Variants in JHY observed in about 807,000 individuals in gnomAD.
JHY encodes the protein jhy protein homolog.
A neutral mutation model predicts 78.0 loss-of-function variants in JHY; 69 were observed. The observed-to-expected ratio is 0.88, with a 90% CI of 0.73 to 1.08. JHY has a LOEUF of 1.08. JHY is among the 50% of genes least tolerant of loss of function. The probability of loss-of-function intolerance (pLI) is 0.00; values close to 1 mark genes in which losing one functional copy is unlikely to be tolerated. For synonymous variants in JHY, 368 were observed against 342.6 expected, an observed-to-expected ratio of 1.07 and a Z score of -0.82; for missense variants, 944 against 927.8, an observed-to-expected ratio of 1.02 and a Z score of -0.23.
chr11:122,891,419 G>C (rs1260540596), intron 2 of JHY, among the ~76,000 whole-genome samples: 1 of 152,136 alleles, frequency 6.6e-6, no homozygotes, highest in Non-Finnish European at 1.5e-5. Context: ...TAAATGAAGA[G>C]TGGAGAGGGG....
chr11:122,942,082 G>T (rs993001602), intron 5 of JHY, among the ~76,000 whole-genome samples: 16 of 152,010 alleles, frequency 1.1e-4, no homozygotes, highest in African/African-American at 3.9e-4. Context: ...ATGTTGGTTA[G>T]GCTGGTCTCG....
chr11:122,946,813 AC>A (rs753899797), intron 6 of JHY, 21 bp downstream of exon 6: 3 of 1,586,782 alleles, frequency 1.9e-6, no homozygotes, highest in South Asian at 1.2e-5. Context: ...CGCCATTTTT[AC>A]CAAGTAACTC....
At chr11:122,942,138 C>T (rs1863886646) in intron 5 of JHY, among the ~76,000 whole-genome samples, 1 of 152,140 alleles carries the variant, frequency 6.6e-6, no homozygotes, top group Non-Finnish European at 1.5e-5. Flanking sequence ...TCCCAAAGTG[C>T]TGGGATTACA....
intron 5 of JHY, among the ~76,000 whole-genome samples, chr11:122,940,057 G>T (rs1863841492): frequency 6.7e-6 from 1 of 149,580 alleles, no homozygotes; most frequent in African/African-American, 2.5e-5. Flanking sequence ...ATCTAGAACA[G>T]ACTGGGCATG....
intron 5 of JHY, among the ~76,000 whole-genome samples, chr11:122,941,896 G>C (rs1224621496): frequency 6.6e-6 from 1 of 151,998 alleles, no homozygotes; most frequent in Non-Finnish European, 1.5e-5. Flanking sequence ...TTTTTAGACA[G>C]AGTCTTGCTC....
rs773572521 is a variant in JHY at position 122,886,036 on chromosome 11, C to T, written c.187C>T (p.Arg63Ter). Residue 63 changes from arginine (R) to a stop codon, truncating the protein, a stop_gained, in exon 2 of 9, where the codon CGA becomes TGA. Coordinates refer to ENST00000227349, the MANE Select transcript of JHY (RefSeq NM_024806.4). LOFTEE classifies it high-confidence loss of function. ...EIMCHSEFDD[R>*]IRGNGMEPDS... The stretch of plus-strand genomic sequence containing the variant: ...TATGTGCCATTCTGAGTTTGATGAT[C>T]GAATCCGGGGCAACGGTATGGAGCC... 4 of 1,613,928 alleles carry T rather than the reference C, an allele frequency of 2.5e-6. No homozygotes were observed. Among genetic ancestry groups the T allele is most frequent in the Non-Finnish European group, 3.4e-6 (4 of 1,180,024 alleles).
At chr11:122,899,154 T>C (rs1395384550) in intron 2 of JHY, among the ~76,000 whole-genome samples, 1 of 152,212 alleles carries the variant, frequency 6.6e-6, no homozygotes, top group East Asian at 1.9e-4. Context: ...CTGTATCCCC[T>C]ACTAGGCTGT....
chr11:122,901,094 G>C (rs114452786), intron 2 of JHY, among the ~76,000 whole-genome samples: 1,657 of 152,262 alleles, frequency 0.011, 32 homozygotes, highest in African/African-American at 0.038. Flanking sequence ...AACCTAGATA[G>C]TACAGCCTAC....
rs1302760395 is a variant in JHY at position 122,924,899 on chromosome 11, C to A, written c.867C>A (p.Ile289=). 1 of 1,611,522 alleles carries A rather than the reference C, an allele frequency of 6.2e-7. No homozygotes were observed. Among genetic ancestry groups the A allele is most frequent in the Non-Finnish European group, 8.5e-7 (1 of 1,177,848 alleles). ...CTGTATGTGTTTTACCTACCTAGAT[C>A]TCCTACCCCGTCAGAGTAACAGACA... ...KKRGESHPEQ[I]SYPVRVTDKT... is the part of the protein sequence containing the mutation. Residue 289 remains isoleucine, a splice_region_variant and synonymous_variant, in exon 4 of 9, where the codon ATC becomes ATA. Coordinates refer to ENST00000227349, the MANE Select transcript of JHY (RefSeq NM_024806.4).
At chr11:122,930,391 A>G (rs10892928) in intron 4 of JHY, among the ~76,000 whole-genome samples, 35,990 of 152,168 alleles carry the variant, frequency 0.24, 4,740 homozygotes, top group Middle Eastern at 0.32. Context: ...AGAAAGAGAT[A>G]GGATTTAACC....
At chr11:122,894,633 A>G (rs889434246) in intron 2 of JHY, among the ~76,000 whole-genome samples, 10 of 152,234 alleles carry the variant, frequency 6.6e-5, no homozygotes, top group African/African-American at 2.4e-4. Context: ...TTTACATTGC[A>G]ATTACAAACA....
chr11:122,959,272 C>T lies in JHY; in HGVS notation c.2164C>T (p.Pro722Ser), dbSNP rs1864256473. 3 of 1,614,002 alleles carry T rather than the reference C, an allele frequency of 1.9e-6. No homozygotes were observed. Among genetic ancestry groups the T allele is most frequent in the Non-Finnish European group, 2.5e-6 (3 of 1,180,010 alleles). The stretch of plus-strand genomic sequence containing the variant: ...GGCTTTGGAATACGCTAAGACCATC[C>T]CCAAACCCAAACCATCAAATCTGAC... ...QKALEYAKTI[P>S]KPKPSNLTHQ... The change falls in exon 9 of 9, where the codon CCC becomes TCC. Residue 722 changes from proline to serine, a missense_variant. By Grantham distance (74) the Pro-to-Ser change is moderately conservative. Coordinates refer to ENST00000227349, the MANE Select transcript of JHY (RefSeq NM_024806.4).
chr11:122,934,302 AG>A, intron 4 of JHY, 117 bp from the exon 5 acceptor site: 1 of 523,538 alleles, frequency 1.9e-6, no homozygotes, highest in Non-Finnish European at 2.6e-6. Flanking sequence ...GGAGACAGTG[AG>A]ACTCCGTCTC....
chr11:122,922,013 T>C (rs1189917334), intron 3 of JHY, among the ~76,000 whole-genome samples: 5 of 152,148 alleles, frequency 3.3e-5, no homozygotes, highest in South Asian at 2.1e-4. Flanking sequence ...AAATAGCTCA[T>C]TTATAGTTCT....
In JHY at chr11:122,934,912, A is replaced by C. The variant is rs748909616; in HGVS notation, c.1471A>C (p.Met491Leu). 6.2e-6 allele frequency: 10 copies of C among 1,614,184 alleles called. No individual in the cohort carries two copies. Among genetic ancestry groups the C allele is most frequent in the Non-Finnish European group, 8.5e-6 (10 of 1,180,040 alleles). Residue 491 changes from methionine (M) to leucine (L), a missense_variant, in exon 5 of 9, where the codon ATG becomes CTG. Met to Leu is a conservative substitution (Grantham distance 15). Coordinates refer to ENST00000227349, the MANE Select transcript of JHY (RefSeq NM_024806.4). ...TCAGCAGCTACACACCCTTTCTGACATGGATTTGAACAACCTTAATGAACT... is the reference window on the plus strand; with the variant it reads ...TCAGCAGCTACACACCCTTTCTGACCTGGATTTGAACAACCTTAATGAACT... Reference protein sequence around the residue: ...SYQQLHTLSDMDLNNLNELSK... With the variant: ...SYQQLHTLSDLDLNNLNELSK...
chr11:122,897,057 A>G (rs899814331), intron 2 of JHY, among the ~76,000 whole-genome samples: 1 of 151,392 alleles, frequency 6.6e-6, no homozygotes, highest in Admixed American at 6.6e-5. Flanking sequence ...GGGTTTCACC[A>G]TGTTGGCCGT....
intron 3 of JHY, among the ~76,000 whole-genome samples, chr11:122,919,365 A>AAG (rs1863306718): frequency 6.7e-6 from 1 of 149,676 alleles, no homozygotes; most frequent in African/African-American, 2.5e-5. Context: ...AAAAAAAAAA[A>AAG]AAAAAAAAAA....
chr11:122,904,347 T>TG lies in JHY; in HGVS notation c.769dup (p.Glu257GlyfsTer23), dbSNP rs1236534315. 6.2e-7 allele frequency: 1 copy of TG among 1,613,966 alleles called. No homozygotes were observed. The highest frequency in any genetic ancestry group is 1.1e-5 in the South Asian group (1 of 91,074). On this transcript the variant is annotated frameshift_variant, in exon 3 of 9. Transcript: ENST00000227349. LOFTEE classifies it high-confidence loss of function. Reference sequence around the variant, plus strand: ...CGAAGGAAATCCAAACAACATTTTGTGGAAAAAAACAAGCTCACTTTGGGA... The same window carrying TG: ...CGAAGGAAATCCAAACAACATTTTGTGGGAAAAAAACAAGCTCACTTTGGGA...
Position 122,960,916 on chromosome 11 carries a change from A to G in JHY, c.*1471A>G, listed in dbSNP as rs1165456538. ...CATAGAGTGTATAAGGAAGTAAAGA[A>G]TCGCCTGGACTATCATATATCTGTG... On this transcript the variant is annotated 3_prime_UTR_variant, in exon 9 of 9. Transcript: ENST00000227349. 2.8e-6 allele frequency: 2 copies of G among 706,048 alleles called. No individual in the cohort carries two copies. The highest frequency in any genetic ancestry group is 3.5e-5 in the African/African-American group (2 of 57,202). The allele number at this position is 706,048 out of a possible 1,614,324, so 43.7% of individuals were successfully genotyped here. A position where few individuals can be genotyped will look rare whatever the true frequency, so the allele number is the denominator to read the frequency against.
Sources: gnomAD v4.1 joint callset for allele counts (sites outside exome capture counted in the v4.1 genomes callset) on GRCh38, gnomAD v4.1.1 for gene constraint, MANE v1.5 for transcripts, NCBI Gene and HGNC (gene_info 2026-07-23, HGNC 2026-07-21) for gene names.